The following IL1RAPL1 variants were observed in gnomAD, a reference collection of about 807,000 sequenced individuals.
IL1RAPL1 encodes the protein interleukin-1 receptor accessory protein-like 1.
IL1RAPL1 carries 3 observed loss-of-function variants against 48.4 expected under a neutral mutation model. The observed-to-expected ratio is 0.06, with a 90% CI of 0.03 to 0.16. The LOEUF (loss-of-function observed/expected upper bound fraction) is 0.16, where lower values mean the gene tolerates loss of function less well. Ranked by LOEUF, IL1RAPL1 falls within the 10% of genes least tolerant of loss-of-function variation. IL1RAPL1 has a pLI of 1.00. For synonymous variants in IL1RAPL1, 185 were observed against 187.7 expected (o/e 0.99, Z 0.12); for missense variants, 349 against 530.6 (o/e 0.66, Z 3.36).
chrX:29,939,658 A>G (rs916333745), intron 8 of IL1RAPL1, among the ~76,000 whole-genome samples: 2 of 112,058 alleles, frequency 1.8e-5, no homozygotes, highest in African/African-American at 6.5e-5. Flanking sequence ...ATATTAATTT[A>G]CTTAGACTCT....
intron 1 of IL1RAPL1, among the ~76,000 whole-genome samples, chrX:28,615,199 GTTTTTTTTT>G (rs778402885): frequency 1.0e-3 from 26 of 26,059 alleles, no homozygotes; most frequent in Admixed American, 5.1e-3. Context: ...ACTGTTGTCT[GTTTTTTTTT>G]TTTTTTTTTT....
intron 2 of IL1RAPL1, among the ~76,000 whole-genome samples, chrX:28,918,594 C>T (rs1326543445): frequency 3.6e-5 from 4 of 112,162 alleles, no homozygotes; most frequent in Non-Finnish European, 5.6e-5. Context: ...TTCAGATAGG[C>T]TCTGGGAAGG....
intron 5 of IL1RAPL1, among the ~76,000 whole-genome samples, chrX:29,637,458 ATTTC>A (rs1185044546): frequency 9.0e-6 from 1 of 111,027 alleles, no homozygotes; most frequent in African/African-American, 3.3e-5. Flanking sequence ...ATAACGTTTA[ATTTC>A]TTTAAAAATA....
intron 6 of IL1RAPL1, among the ~76,000 whole-genome samples, chrX:29,789,534 A>T (rs911226693): frequency 1.8e-5 from 2 of 112,042 alleles, no homozygotes; most frequent in African/African-American, 6.5e-5. Flanking sequence ...AATAGAAAAA[A>T]ATCGGATAAT....
At chrX:29,017,959 A>G (rs1926278640) in intron 2 of IL1RAPL1, among the ~76,000 whole-genome samples, 1 of 111,919 alleles carries the variant, frequency 8.9e-6, no homozygotes, top group South Asian at 3.7e-4. Flanking sequence ...TTTCTCTATT[A>G]AAAATTGTCT....
At chrX:29,358,257 T>C (rs1340747128) in intron 3 of IL1RAPL1, among the ~76,000 whole-genome samples, 1 of 110,990 alleles carries the variant, frequency 9.0e-6, no homozygotes, top group Non-Finnish European at 1.9e-5. Flanking sequence ...CCTTCCAATC[T>C]CCTTTGGTTC....
intron 2 of IL1RAPL1, among the ~76,000 whole-genome samples, chrX:29,147,701 G>A (rs748415087): frequency 1.8e-5 from 2 of 112,133 alleles, no homozygotes; most frequent in South Asian, 7.4e-4. Flanking sequence ...TTTTGGCCCT[G>A]TGGCTTCCTC....
At chrX:28,919,939 T>C (rs1923577046) in intron 2 of IL1RAPL1, among the ~76,000 whole-genome samples, 1 of 111,989 alleles carries the variant, frequency 8.9e-6, no homozygotes, top group South Asian at 3.7e-4. Flanking sequence ...GCATGAATAA[T>C]TGTTTAAATT....
At chrX:29,732,815 C>T (rs1927954765) in intron 6 of IL1RAPL1, among the ~76,000 whole-genome samples, 1 of 112,247 alleles carries the variant, frequency 8.9e-6, no homozygotes, top group Non-Finnish European at 1.9e-5. Context: ...TTAGTAGTGA[C>T]ATCTACCAGC....
intron 5 of IL1RAPL1, among the ~76,000 whole-genome samples, chrX:29,402,646 A>G (rs1161457388): frequency 1.8e-5 from 2 of 111,570 alleles, no homozygotes; most frequent in Non-Finnish European, 3.8e-5. Context: ...CATTATTATT[A>G]AATAAAGTCC....
rs74314245 is a variant in IL1RAPL1 at position 29,545,178 on chromosome X, C to CCTATCTAT, written c.704-123195_704-123188dup. On this transcript the variant is annotated intron_variant, in intron 5 of 10. Transcript: ENST00000378993. ...GTTACTGCAGCCCTGGAAAACTAAT[C>CCTATCTAT]CTATCTATCTATCTATCTATCTATC... 1.7e-3 allele frequency among the ~76,000 whole-genome samples: 153 copies of CCTATCTAT among 91,848 alleles called. 2 individuals carry two copies. Among genetic ancestry groups the CCTATCTAT allele is most frequent in the East Asian group, 2.9e-3 (8 of 2,758 alleles). The allele number at this position is 91,848 out of a possible 115,157, so 79.8% of individuals were successfully genotyped here.
intron 1 of IL1RAPL1, among the ~76,000 whole-genome samples, chrX:28,769,534 C>G (rs1006473686): frequency 1.5e-4 from 17 of 111,679 alleles, no homozygotes; most frequent in Non-Finnish European, 2.6e-4. Context: ...TTGGATATCA[C>G]TATCATGACA....
intron 2 of IL1RAPL1, among the ~76,000 whole-genome samples, chrX:29,246,444 C>T (rs1412395327): frequency 2.7e-5 from 3 of 110,453 alleles, no homozygotes; most frequent in South Asian, 3.9e-4. Context: ...CAAATTACCA[C>T]CATGCTGCCT....
intron 5 of IL1RAPL1, among the ~76,000 whole-genome samples, chrX:29,571,432 T>C (rs1042649705): frequency 9.0e-6 from 1 of 111,282 alleles, no homozygotes; most frequent in African/African-American, 3.3e-5. Context: ...TAGTTCCTAG[T>C]AGTTACTCTT....
At chrX:29,648,163 A>C (rs1050455400) in intron 5 of IL1RAPL1, among the ~76,000 whole-genome samples, 9 of 111,846 alleles carry the variant, frequency 8.0e-5, no homozygotes. Context: ...ATAGTAATAG[A>C]TCTGAAAGGA....
intron 3 of IL1RAPL1, among the ~76,000 whole-genome samples, chrX:29,340,545 A>AT (rs771143466): frequency 1.2e-3 from 130 of 111,368 alleles, no homozygotes; most frequent in Non-Finnish European, 1.9e-3. Flanking sequence ...TAAAAGCCTA[A>AT]TTTTTTTTGG....
At chrX:29,539,479 C>A (rs142564662) in intron 5 of IL1RAPL1, among the ~76,000 whole-genome samples, 1 of 111,222 alleles carries the variant, frequency 9.0e-6, no homozygotes, top group African/African-American at 3.3e-5. Flanking sequence ...AGGATGCCCC[C>A]TCTCACTGAT....
At chrX:28,700,781 C>T (rs1428259697) in intron 1 of IL1RAPL1, among the ~76,000 whole-genome samples, 3 of 110,983 alleles carry the variant, frequency 2.7e-5, no homozygotes, top group Non-Finnish European at 5.7e-5. Context: ...TCAGTTCCCA[C>T]TTACGAGTGA....
rs754075238 is a variant in IL1RAPL1, at chrX:29,950,880, G to A, written c.1202-3642G>A. Among the ~76,000 whole-genome samples the A allele has an allele frequency of 4.6e-3, 511 of 110,156 alleles. 6 individuals are homozygous for A. Among genetic ancestry groups the A allele is most frequent in the African/African-American group, 0.016 (483 of 30,287 alleles). On this transcript the variant is annotated intron_variant, in intron 9 of 10. Transcript: ENST00000378993. Reference sequence around the variant, plus strand: ...TTTTTAGTAGAGACGAGGTTTCACCGTGTTAGCCAGGATGGTCTCGATCTC... The same window carrying A: ...TTTTTAGTAGAGACGAGGTTTCACCATGTTAGCCAGGATGGTCTCGATCTC...
Sources: allele counts gnomAD v4.1 joint callset (sites outside exome capture counted in the v4.1 genomes callset), GRCh38; gene constraint gnomAD v4.1.1; transcripts MANE v1.5; gene names NCBI Gene and HGNC (gene_info 2026-07-23, HGNC 2026-07-21).